TRMT61B: variants seen among roughly 807,000 people sequenced by gnomAD.
The protein encoded by TRMT61B is tRNA methyltransferase 61B.
Under a neutral mutation model 52.0 loss-of-function variants are expected in TRMT61B, and 56 were observed. The observed-to-expected ratio is 1.08, with a 90% CI of 0.87 to 1.35. The LOEUF (loss-of-function observed/expected upper bound fraction) is 1.35, where lower values mean the gene tolerates loss of function less well. Ranked by LOEUF, TRMT61B falls within the 40% of genes most tolerant of loss-of-function variation. The probability of loss-of-function intolerance (pLI) is 0.00; values close to 1 mark genes in which losing one functional copy is unlikely to be tolerated. For synonymous variants in TRMT61B, 206 were observed against 220.0 expected, an observed-to-expected ratio of 0.94 and a Z score of 0.56; for missense variants, 650 against 577.9, an observed-to-expected ratio of 1.12 and a Z score of -1.28.
intron 1 of TRMT61B, among the ~76,000 whole-genome samples, chr2:28,868,504 T>G (rs1159923519): frequency 6.6e-6 from 1 of 152,220 alleles, no homozygotes; most frequent in Non-Finnish European, 1.5e-5. Flanking sequence ...TCACCCCTTC[T>G]AGAATGTAAG....
chr2:28,866,559 G>T (rs1003737211), intron 1 of TRMT61B, among the ~76,000 whole-genome samples: 2 of 152,164 alleles, frequency 1.3e-5, no homozygotes, highest in Non-Finnish European at 2.9e-5. Context: ...ACAAGAGATG[G>T]AGCTCAGGCA....
chr2:28,850,893 G>C (rs1332495761), intron 5 of TRMT61B, among the ~76,000 whole-genome samples, 179 bp downstream of exon 5: 1 of 152,148 alleles, frequency 6.6e-6, no homozygotes, highest in Non-Finnish European at 1.5e-5. Context: ...AAAGGTATCA[G>C]AGTTTTAAGT....
chr2:28,850,044 A>T lies in TRMT61B; in HGVS notation c.*155T>A. On this transcript the variant is annotated 3_prime_UTR_variant, in exon 7 of 7. Transcript: ENST00000306108. ...TGTTTAAGCAGTTTTGCTATGTTAT[A>T]CATCTTTTAGTTGTTATTTTCAAAA... 8.5e-7 allele frequency: 1 copy of T among 1,179,332 alleles called. No homozygotes were observed. The highest frequency in any genetic ancestry group is 2.4e-5 in the East Asian group (1 of 41,600). 73.1% of individuals were successfully genotyped at this position (1,179,332 alleles called of 1,614,324 possible).
At chr2:28,857,761 C>T (rs1669409120) in intron 3 of TRMT61B, among the ~76,000 whole-genome samples, 1 of 152,096 alleles carries the variant, frequency 6.6e-6, no homozygotes. Flanking sequence ...TATTCCTTTC[C>T]CTTCCTTTTC....
chr2:28,860,873 G>A (rs908825887), intron 3 of TRMT61B, among the ~76,000 whole-genome samples: 4 of 152,052 alleles, frequency 2.6e-5, no homozygotes, highest in African/African-American at 9.7e-5. Flanking sequence ...CTAGTCTTTG[G>A]TCCTAGCTTT....
chr2:28,863,272 A>T lies in TRMT61B; in HGVS notation c.802+1745T>A, dbSNP rs541179017. 3.3e-5 allele frequency among the ~76,000 whole-genome samples: 5 copies of T among 152,134 alleles called. No individual in the cohort carries two copies. The South Asian group carries it at 1.0e-3, about 32-fold the overall frequency. On this transcript the variant is annotated intron_variant, in intron 2 of 6. Transcript: ENST00000306108. ...ACAGTGAGACCCAGTCTCTACAAAA[A>T]CTTTAAAAATTAGCCAGCTTTGGTG...
At chr2:28,865,234 T>C in intron 1 of TRMT61B, 115 bp from the exon 2 acceptor site, 1 of 592,128 alleles carries the variant, frequency 1.7e-6, no homozygotes, top group East Asian at 2.8e-5. Context: ...CGAATCAGAC[T>C]CTGGACCTGC....
intron 3 of TRMT61B, among the ~76,000 whole-genome samples, chr2:28,860,272 C>CAAAAAAAAAAAAAAAA (rs540569211): frequency 8.2e-5 from 2 of 24,492 alleles, no homozygotes; most frequent in East Asian, 4.9e-3. Context: ...ACTCTGTTGC[C>CAAAAAAAAAAAAAAAA]AAAAAAAAAA....
Position 28,869,733 on chromosome 2 carries a change from C to T in TRMT61B, c.545G>A (p.Ser182Asn). 1 of 1,614,222 alleles carries T rather than the reference C, an allele frequency of 6.2e-7. No homozygotes were observed. The highest frequency in any genetic ancestry group is 8.5e-7 in the Non-Finnish European group (1 of 1,180,038). ...FRLNNFGLLNSNWGAVPFGKI... is the reference protein window; with the variant it reads ...FRLNNFGLLNNNWGAVPFGKI... ...GCCGAACGGGACTGCCCCCCAGTTA[C>T]TATTTAAGAGTCCGAAGTTGTTCAA... The change falls in exon 1 of 7, where the codon AGT (serine) becomes AAT (asparagine). Residue 182 changes from serine (S) to asparagine (N), a missense_variant. Ser to Asn is a conservative substitution (Grantham distance 46). Coordinates refer to ENST00000306108, the MANE Select transcript of TRMT61B (RefSeq NM_017910.4).
rs1308748233 is a variant in TRMT61B, at chr2:28,865,128, G to A, written c.700-9C>T. On this transcript the variant is annotated splice_polypyrimidine_tract_variant and intron_variant, in intron 1 of 6. Transcript: ENST00000306108. Reference sequence around the variant, plus strand: ...AGAATCATATTAATATCCTATGATTGAAAACAGTATGGGTGACTCAGCGAC... The same window carrying A: ...AGAATCATATTAATATCCTATGATTAAAAACAGTATGGGTGACTCAGCGAC... 5 of 1,506,662 alleles carry A rather than the reference G, an allele frequency of 3.3e-6. No individual in the cohort carries two copies. The Admixed American group carries it at 8.4e-5, about 25-fold the overall frequency. 93.3% of individuals were successfully genotyped at this position (1,506,662 alleles called of 1,614,324 possible).
intron 1 of TRMT61B, among the ~76,000 whole-genome samples, chr2:28,866,261 G>A (rs1669842382): frequency 6.6e-6 from 1 of 152,182 alleles, no homozygotes; most frequent in Admixed American, 6.5e-5. Context: ...AAAGTGCTGG[G>A]ATTACAGGTG....
chr2:28,867,009 G>T (rs1669878929), intron 1 of TRMT61B, among the ~76,000 whole-genome samples: 1 of 151,870 alleles, frequency 6.6e-6, no homozygotes, highest in Non-Finnish European at 1.5e-5. Flanking sequence ...ATGTTGGCCA[G>T]GTTAGTCTTG....
At position 28,850,203 on chromosome 2, in the gene TRMT61B, T is replaced by TTC. The variant is rs758968475; in HGVS notation, c.1429_1430insGA (p.Asn477ArgfsTer7). On this transcript the variant is annotated frameshift_variant, in exon 7 of 7. Transcript: ENST00000306108. LOFTEE classifies it high-confidence loss of function. ...AGTTACTGTCATCTGGAGTACTCAG[T>TTC]TAAGTTGTGGTTTGACCTTCCTCAA... is the stretch of plus-strand genomic sequence containing the variant. 1 of 1,611,776 alleles carries TTC rather than the reference T, an allele frequency of 6.2e-7. No homozygotes were observed. The highest frequency in any genetic ancestry group is 8.5e-7 in the Non-Finnish European group (1 of 1,178,930).
At position 28,851,223 on chromosome 2, in the gene TRMT61B, C is replaced by T. The variant is rs1413943797; in HGVS notation, c.1161G>A (p.Glu387=). 1 of 1,613,592 alleles carries T rather than the reference C, an allele frequency of 6.2e-7. No individual in the cohort carries two copies. Among genetic ancestry groups the T allele is most frequent in the Non-Finnish European group, 8.5e-7 (1 of 1,179,862 alleles). ...AAACCAACCAATCTCTGACAATGACCTCGCTTATCTTTTCACATGAAAGAG... is the reference window on the plus strand; with the variant it reads ...AAACCAACCAATCTCTGACAATGACTTCGCTTATCTTTTCACATGAAAGAG... ...ELALSCEKIS[E]VIVRDWLVCL... is the part of the protein sequence containing the mutation. The change falls in exon 5 of 7, where the codon GAG becomes GAA. Residue 387 remains glutamate (E), a synonymous_variant. Transcript: ENST00000306108.
At chr2:28,861,776 G>A (rs1385841925) in intron 2 of TRMT61B, 1 of 152,660 alleles carries the variant, frequency 6.6e-6, no homozygotes, top group Non-Finnish European at 1.5e-5. Context: ...TATCAAGCCA[G>A]TATATCTCTA....
chr2:28,851,619 C>T (rs1191220154), intron 4 of TRMT61B, among the ~76,000 whole-genome samples: 1 of 152,064 alleles, frequency 6.6e-6, no homozygotes, highest in Non-Finnish European at 1.5e-5. Flanking sequence ...GTGGGTCACG[C>T]CTGTAATCCC....
chr2:28,865,207 A>G (rs957422988), intron 1 of TRMT61B, 88 bp from the exon 2 acceptor site: 14 of 718,686 alleles, frequency 1.9e-5, no homozygotes, highest in Non-Finnish European at 3.1e-5. Flanking sequence ...GGTGTGCAGA[A>G]GAAGGGAGTG....
At chr2:28,862,987 C>T (rs1420341172) in intron 2 of TRMT61B, among the ~76,000 whole-genome samples, 4 of 151,904 alleles carry the variant, frequency 2.6e-5, no homozygotes, top group Admixed American at 1.3e-4. Context: ...ATTAACTTTC[C>T]ACCCACCTCT....
intron 2 of TRMT61B, among the ~76,000 whole-genome samples, chr2:28,861,687 C>T (rs753061867): frequency 1.3e-5 from 2 of 152,302 alleles, no homozygotes; most frequent in Non-Finnish European, 2.9e-5. Context: ...TGTATGGCTA[C>T]GATGAACATT....
Sources: allele counts gnomAD v4.1 joint callset (sites outside exome capture counted in the v4.1 genomes callset), GRCh38; gene constraint gnomAD v4.1.1; transcripts MANE v1.5; gene names NCBI Gene and HGNC (gene_info 2026-07-23, HGNC 2026-07-21).